The following SLC8A1 variants were observed in gnomAD, a reference collection of about 807,000 sequenced individuals.
The protein encoded by SLC8A1 is solute carrier family 8 member A1, also known as sodium/calcium exchanger 1.
In SLC8A1, 18 loss-of-function variants were observed where a neutral mutation model predicts 68.3. That is an observed-to-expected ratio of 0.26 (90% CI 0.18 to 0.39). The LOEUF is 0.39. Ranked by LOEUF, SLC8A1 falls within the 10% of genes least tolerant of loss-of-function variation. SLC8A1 has a pLI of 1.00. For synonymous variants in SLC8A1, 475 were observed against 415.5 expected, an observed-to-expected ratio of 1.14 and a Z score of -1.74; for missense variants, 985 against 1,156.7, an observed-to-expected ratio of 0.85 and a Z score of 2.15.
At chr2:40,324,746 T>C (rs1255208314) in intron 2 of SLC8A1, among the ~76,000 whole-genome samples, 2 of 152,124 alleles carry the variant, frequency 1.3e-5, no homozygotes, top group Non-Finnish European at 2.9e-5. Context: ...ATCTTAAGTT[T>C]ATCAGGAACA....
chr2:40,366,527 T>C (rs1676249592), intron 2 of SLC8A1, among the ~76,000 whole-genome samples: 1 of 152,104 alleles, frequency 6.6e-6, no homozygotes, highest in South Asian at 2.1e-4. Context: ...ACCATGTTTG[T>C]TCTCTAACTT....
At chr2:40,415,356 G>A (rs1284155723) in intron 2 of SLC8A1, among the ~76,000 whole-genome samples, 2 of 151,044 alleles carry the variant, frequency 1.3e-5, no homozygotes, top group Non-Finnish European at 2.9e-5. Context: ...CAATCCTACA[G>A]ATCTACTTCA....
chr2:40,132,663 G>C (rs1441726021), intron 7 of SLC8A1, among the ~76,000 whole-genome samples: 3 of 152,084 alleles, frequency 2.0e-5, no homozygotes, highest in South Asian at 2.1e-4. Flanking sequence ...ATAGCTAACT[G>C]TTTTTCTCAG....
chr2:40,124,159 G>T (rs1232952129), intron 7 of SLC8A1, among the ~76,000 whole-genome samples: 2 of 152,192 alleles, frequency 1.3e-5, no homozygotes, highest in African/African-American at 2.4e-5. Flanking sequence ...AACTTGAAGA[G>T]AAATAAAAAG....
chr2:40,339,498 GA>G (rs920620711), intron 2 of SLC8A1, among the ~76,000 whole-genome samples: 12 of 152,142 alleles, frequency 7.9e-5, no homozygotes, highest in Non-Finnish European at 2.9e-5. Context: ...ACTTGTTCTA[GA>G]AACATATATT....
rs1700779473 is a variant in SLC8A1 at position 40,442,950 on chromosome 2, T to C, written c.-25+8954A>G. Among the ~76,000 whole-genome samples the C allele has an allele frequency of 1.3e-5, 2 of 152,198 alleles. 1 individual carries two copies. Among genetic ancestry groups the C allele is most frequent in the South Asian group, 4.1e-4 (2 of 4,822 alleles). On this transcript the variant is annotated intron_variant, in intron 1 of 7. Transcript: ENST00000406785. Reference sequence around the variant, plus strand: ...TAACAAGGAGTGAGATCATGTCCTCTGCAGGGACATGGACGAAGCTGGAAG... The same window carrying C: ...TAACAAGGAGTGAGATCATGTCCTCCGCAGGGACATGGACGAAGCTGGAAG...
chr2:40,262,516 C>G (rs1244072111), intron 2 of SLC8A1, among the ~76,000 whole-genome samples: 1 of 152,162 alleles, frequency 6.6e-6, no homozygotes, highest in African/African-American at 2.4e-5. Context: ...GAAATTCTAA[C>G]ATTTCTAGTA....
intron 2 of SLC8A1, among the ~76,000 whole-genome samples, chr2:40,328,906 C>T (rs911141388): frequency 6.6e-6 from 1 of 152,076 alleles, no homozygotes; most frequent in Non-Finnish European, 1.5e-5. Flanking sequence ...CTTTTAAGAG[C>T]ACAGAGTAGA....
rs151270998 is a variant in SLC8A1 at position 40,173,405 on chromosome 2, A to G, written c.1930+1420T>C. Among the ~76,000 whole-genome samples, 204 of 152,354 alleles carry G rather than the reference A, an allele frequency of 1.3e-3. 4 individuals carry two copies. The highest frequency in any genetic ancestry group is 4.6e-3 in the African/African-American group (191 of 41,580). ...ATGAATCAGATTTAAGAAATCCAAC[A>G]CAAAGACTTGTCCTGTTTAACATTC... is the stretch of plus-strand genomic sequence containing the variant. On this transcript the variant is annotated intron_variant, in intron 4 of 7. Transcript: ENST00000406785.
At chr2:40,491,938 A>T (rs1334981252) in intron 1 of SLC8A1, among the ~76,000 whole-genome samples, 1 of 152,200 alleles carries the variant, frequency 6.6e-6, no homozygotes, top group East Asian at 1.9e-4. Flanking sequence ...TTATAGATTC[A>T]ATGCCATCCC....
At chr2:40,309,087 T>G (rs181166504) in intron 2 of SLC8A1, among the ~76,000 whole-genome samples, 3 of 152,336 alleles carry the variant, frequency 2.0e-5, no homozygotes, top group Admixed American at 1.3e-4. Context: ...GCTTCACCAG[T>G]GAAATCCAAC....
At chr2:40,447,541 G>A (rs1447300335) in intron 1 of SLC8A1, among the ~76,000 whole-genome samples, 5 of 148,564 alleles carry the variant, frequency 3.4e-5, no homozygotes, top group Admixed American at 6.7e-5. Context: ...TGTGTTCCAG[G>A]CCCCCAGGAC....
At chr2:40,405,476 A>C (rs6760813) in intron 2 of SLC8A1, among the ~76,000 whole-genome samples, 2,012 of 152,318 alleles carry the variant, frequency 0.013, 39 homozygotes, top group African/African-American at 0.046. Flanking sequence ...GTCATGATCT[A>C]ACAGTTGTCC....
intron 1 of SLC8A1, among the ~76,000 whole-genome samples, chr2:40,475,498 T>G (rs1704237383): frequency 6.6e-6 from 1 of 152,134 alleles, no homozygotes; most frequent in Admixed American, 6.5e-5. Flanking sequence ...GTATTTATTG[T>G]ATTTGAAGTT....
intron 2 of SLC8A1, among the ~76,000 whole-genome samples, chr2:40,236,393 G>T (rs1187543237): frequency 6.6e-6 from 1 of 152,146 alleles, no homozygotes; most frequent in Admixed American, 6.5e-5. Context: ...TTGGTTTAAG[G>T]TCTGTTTTAT....
Position 40,435,942 on chromosome 2 carries a change from A to ATTTTTTTTTTTTT in SLC8A1, c.-24-5651_-24-5639dup, listed in dbSNP as rs59783278. Among the ~76,000 whole-genome samples the ATTTTTTTTTTTTT allele has an allele frequency of 1.7e-4, 21 of 125,424 alleles. No individual in the cohort carries two copies. The East Asian group carries it at 2.2e-3, about 13-fold the overall frequency. 82.3% of individuals were successfully genotyped at this position (125,424 alleles called of 152,430 possible). A position where few individuals can be genotyped will look rare whatever the true frequency, so the allele number is the denominator to read the frequency against. The stretch of plus-strand genomic sequence containing the variant: ...AGGTGCCTGCCAACCATGCTCGGCT[A>ATTTTTTTTTTTTT]TTTTTTTTTTTTTTTTTGTATTTTT... On this transcript the variant is annotated intron_variant, in intron 1 of 7. Coordinates refer to ENST00000406785, the Ensembl canonical transcript of SLC8A1.
intron 2 of SLC8A1, among the ~76,000 whole-genome samples, chr2:40,286,076 T>G (rs1405131229): frequency 6.6e-6 from 1 of 152,132 alleles, no homozygotes; most frequent in African/African-American, 2.4e-5. Context: ...TACTGCTCAG[T>G]ACCCAGTGCC....
At chr2:40,129,695 A>G (rs142637869) in intron 7 of SLC8A1, among the ~76,000 whole-genome samples, 1 of 152,328 alleles carries the variant, frequency 6.6e-6, no homozygotes, top group African/African-American at 2.4e-5. Context: ...AGGGAAATTT[A>G]CACTCATTCA....
Position 40,447,619 on chromosome 2 carries a change from A to G in SLC8A1, c.-25+4285T>C, listed in dbSNP as rs185492317. Among the ~76,000 whole-genome samples, 413 of 151,246 alleles carry G rather than the reference A, an allele frequency of 2.7e-3. 1 individual carries two copies. Among genetic ancestry groups the G allele is most frequent in the Admixed American group, 4.7e-3 (72 of 15,214 alleles). ...AAAAAAAAAAAAAAAGAAAGAACAT[A>G]TGCTAATGATTTGTGAGAATTAATG... On this transcript the variant is annotated intron_variant, in intron 1 of 7. Transcript: ENST00000406785.
Sources: gnomAD v4.1 joint callset for allele counts (sites outside exome capture counted in the v4.1 genomes callset) on GRCh38, gnomAD v4.1.1 for gene constraint, MANE v1.5 for transcripts, NCBI Gene and HGNC (gene_info 2026-07-23, HGNC 2026-07-21) for gene names.